Variants in KCNIP4 observed in about 807,000 individuals in gnomAD.
KCNIP4 encodes the protein Kv channel-interacting protein 4.
In KCNIP4, 12 loss-of-function variants were observed where a neutral mutation model predicts 34.0. That is an observed-to-expected ratio of 0.35 (90% CI 0.23 to 0.57). KCNIP4 has a LOEUF of 0.57. Ranked by LOEUF, KCNIP4 falls within the 20% of genes least tolerant of loss-of-function variation. The probability of loss-of-function intolerance (pLI) is 0.83; values close to 1 mark genes in which losing one functional copy is unlikely to be tolerated. For missense variants in KCNIP4, 238 were observed against 311.7 expected (o/e 0.76, Z 1.78); for synonymous variants, 124 against 102.2 (o/e 1.21, Z -1.29).
In KCNIP4 at chr4:21,910,053, G is replaced by A. The variant is rs563776391; in HGVS notation, c.61+38518C>T. On this transcript the variant is annotated intron_variant, in intron 1 of 8. Coordinates refer to ENST00000382152, the MANE Select transcript of KCNIP4 (RefSeq NM_025221.6). Reference sequence around the variant, plus strand: ...ATAAACATTAGGTGAATAAACAAACGAAGATGATGCTACCCTGAAAGCATA... The same window carrying A: ...ATAAACATTAGGTGAATAAACAAACAAAGATGATGCTACCCTGAAAGCATA... Among the ~76,000 whole-genome samples the A allele has an allele frequency of 7.2e-5, 11 of 152,124 alleles. No homozygotes were observed. In the South Asian group the frequency reaches 1.0e-3, roughly 14 times the overall value.
At chr4:21,005,569 T>C (rs1012435564) in intron 1 of KCNIP4, among the ~76,000 whole-genome samples, 2 of 152,204 alleles carry the variant, frequency 1.3e-5, no homozygotes, top group African/African-American at 2.4e-5. Context: ...ACAGTATCTA[T>C]CTACCATTTT....
At chr4:21,862,789 G>A (rs953512695) in intron 1 of KCNIP4, among the ~76,000 whole-genome samples, 6 of 152,100 alleles carry the variant, frequency 3.9e-5, no homozygotes, top group Non-Finnish European at 8.8e-5. Flanking sequence ...GTGAAACCCT[G>A]TCTCTACTAA....
chr4:21,353,532 G>A (rs1341476067), intron 1 of KCNIP4, among the ~76,000 whole-genome samples: 1 of 152,022 alleles, frequency 6.6e-6, no homozygotes, highest in East Asian at 1.9e-4. Context: ...TTGATCAAGT[G>A]GAAGAAAGGA....
At chr4:21,806,935 A>T (rs776713737) in intron 1 of KCNIP4, among the ~76,000 whole-genome samples, 27 of 152,060 alleles carry the variant, frequency 1.8e-4, no homozygotes, top group Admixed American at 3.3e-4. Flanking sequence ...TTCTATTATT[A>T]TTACATTATA....
chr4:21,940,128 T>A (rs1404049368), intron 1 of KCNIP4, among the ~76,000 whole-genome samples: 2 of 152,194 alleles, frequency 1.3e-5, no homozygotes, highest in African/African-American at 4.8e-5. Flanking sequence ...AGACTTCCAG[T>A]ATCAAAGAAG....
chr4:21,884,148 T>C (rs1040690323), intron 1 of KCNIP4, among the ~76,000 whole-genome samples: 4 of 152,142 alleles, frequency 2.6e-5, no homozygotes, highest in African/African-American at 9.7e-5. Flanking sequence ...TTTAGGATGA[T>C]AATAAGCCCA....
At chr4:21,362,215 A>G (rs191598987) in intron 1 of KCNIP4, among the ~76,000 whole-genome samples, 236 of 152,286 alleles carry the variant, frequency 1.5e-3, no homozygotes, top group Admixed American at 2.7e-3. Flanking sequence ...TTCATAATGA[A>G]GCTATATCAC....
At chr4:21,948,040 T>C (rs1730600076) in intron 1 of KCNIP4, among the ~76,000 whole-genome samples, 1 of 152,188 alleles carries the variant, frequency 6.6e-6, no homozygotes, top group Non-Finnish European at 1.5e-5. Context: ...CACACTAAAC[T>C]GAAGCTAGCC....
At chr4:21,692,827 ATTTTTTTTTTTT>A (rs35231092) in intron 1 of KCNIP4, among the ~76,000 whole-genome samples, 1 of 87,250 alleles carries the variant, frequency 1.1e-5, no homozygotes, top group South Asian at 3.9e-4. Context: ...AAATCCTGTC[ATTTTTTTTTTTT>A]TTTTTTTTTT....
intron 3 of KCNIP4, among the ~76,000 whole-genome samples, chr4:20,793,035 C>A (rs1054536980): frequency 2.6e-5 from 4 of 152,036 alleles, no homozygotes; most frequent in African/African-American, 9.7e-5. Context: ...AAAAAATATA[C>A]CAACCCTGTG....
intron 3 of KCNIP4, among the ~76,000 whole-genome samples, chr4:20,760,160 T>C (rs1212820426): frequency 6.6e-6 from 1 of 152,178 alleles, no homozygotes. Flanking sequence ...TAAGTTCTGT[T>C]TAGTCTCTTT....
chr4:21,281,426 T>C lies in KCNIP4; in HGVS notation c.62-398717A>G, dbSNP rs188573953. Among the ~76,000 whole-genome samples, 488 of 152,238 alleles carry C rather than the reference T, an allele frequency of 3.2e-3. 5 individuals carry two copies. Among genetic ancestry groups the C allele is most frequent in the African/African-American group, 0.011 (456 of 41,546 alleles). ...TCCTATGGATGCAGTAACACTGCAC[T>C]GGAATAGACAGATACATAGGTGACA... On this transcript the variant is annotated intron_variant, in intron 1 of 8. Coordinates refer to ENST00000382152, the MANE Select transcript of KCNIP4 (RefSeq NM_025221.6).
chr4:21,466,289 A>C (rs1729930456), intron 1 of KCNIP4, among the ~76,000 whole-genome samples: 1 of 152,174 alleles, frequency 6.6e-6, no homozygotes, highest in African/African-American at 2.4e-5. Context: ...CTGTGGATAC[A>C]TCTGACTTAT....
chr4:21,349,477 T>C (rs1717787145), intron 1 of KCNIP4, among the ~76,000 whole-genome samples: 1 of 152,184 alleles, frequency 6.6e-6, no homozygotes, highest in Admixed American at 6.6e-5. Flanking sequence ...ACTAGTATAG[T>C]GCATGCAATG....
At chr4:21,027,843 A>T (rs917508161) in intron 1 of KCNIP4, among the ~76,000 whole-genome samples, 13 of 152,130 alleles carry the variant, frequency 8.5e-5, no homozygotes, top group African/African-American at 3.1e-4. Context: ...TTTTAAAAAA[A>T]TCTTATCTAA....
chr4:21,044,802 T>A (rs937332668), intron 1 of KCNIP4, among the ~76,000 whole-genome samples: 2 of 152,198 alleles, frequency 1.3e-5, no homozygotes, highest in African/African-American at 4.8e-5. Flanking sequence ...AATCTGTGAA[T>A]TTCCATGTCC....
chr4:21,618,630 C>CTTTTTCTTTTTTTTTTT (rs1280886806), intron 1 of KCNIP4, among the ~76,000 whole-genome samples: 2 of 81,790 alleles, frequency 2.4e-5, no homozygotes, highest in Non-Finnish European at 2.2e-5. Context: ...TTTTCTTTTT[C>CTTTTTCTTTTTTTTTTT]TTTTTTTTTT....
intron 1 of KCNIP4, among the ~76,000 whole-genome samples, chr4:21,722,929 T>A (rs1323683648): frequency 6.6e-6 from 1 of 152,152 alleles, no homozygotes; most frequent in Non-Finnish European, 1.5e-5. Context: ...TTTAAAAAGA[T>A]TCTCCGTGTT....
intron 1 of KCNIP4, among the ~76,000 whole-genome samples, chr4:21,042,813 T>C (rs1400602138): frequency 6.6e-6 from 1 of 152,146 alleles, no homozygotes; most frequent in Non-Finnish European, 1.5e-5. Flanking sequence ...TATGTGTCAA[T>C]CGTGAATAAG....
Sources: allele counts gnomAD v4.1 joint callset (sites outside exome capture counted in the v4.1 genomes callset), GRCh38; gene constraint gnomAD v4.1.1; transcripts MANE v1.5; gene names NCBI Gene and HGNC (gene_info 2026-07-23, HGNC 2026-07-21).